The following SLIT3 variants were observed in gnomAD, a reference collection of about 807,000 sequenced individuals.
The protein encoded by SLIT3 is slit homolog 3 protein.
Under a neutral mutation model 184.0 loss-of-function variants are expected in SLIT3, and 68 were observed. That is an observed-to-expected ratio of 0.37 (90% CI 0.30 to 0.45). The LOEUF (loss-of-function observed/expected upper bound fraction) is 0.45, where lower values mean the gene tolerates loss of function less well. Ranked by LOEUF, SLIT3 falls within the 20% of genes least tolerant of loss-of-function variation. The pLI is 1.00. For synonymous variants in SLIT3, 831 were observed against 828.6 expected (o/e 1.00, Z -0.05); for missense variants, 1,707 against 2,026.0 (o/e 0.84, Z 3.02).
At chr5:168,731,264 T>C (rs1221269515) in intron 20 of SLIT3, among the ~76,000 whole-genome samples, 1 of 151,854 alleles carries the variant, frequency 6.6e-6, no homozygotes, top group Non-Finnish European at 1.5e-5. Flanking sequence ...AGTAGACCCC[T>C]AATAAGTAGA....
chr5:168,780,236 A>G (rs1755922939), intron 12 of SLIT3, among the ~76,000 whole-genome samples: 1 of 152,270 alleles, frequency 6.6e-6, no homozygotes, highest in Admixed American at 6.5e-5. Context: ...CTGAAAGCAT[A>G]TTCCAAACTC....
intron 4 of SLIT3, among the ~76,000 whole-genome samples, chr5:169,157,244 C>T (rs925729402): frequency 7.3e-5 from 11 of 150,966 alleles, no homozygotes; most frequent in Admixed American, 1.3e-4. Context: ...TAAAAGGTAC[C>T]CCTCCCCTGT....
chr5:169,014,508 C>T (rs187642932), intron 4 of SLIT3, among the ~76,000 whole-genome samples: 19 of 152,286 alleles, frequency 1.2e-4, no homozygotes, highest in East Asian at 1.2e-3. Flanking sequence ...CAGGTCAAGA[C>T]CAACGTCAAG....
At chr5:169,005,131 T>C (rs904104395) in intron 4 of SLIT3, among the ~76,000 whole-genome samples, 2 of 152,236 alleles carry the variant, frequency 1.3e-5, no homozygotes, top group Admixed American at 1.3e-4. Flanking sequence ...TGCAGATTGT[T>C]TTTAAAACAT....
At chr5:169,028,186 A>G (rs1193168768) in intron 4 of SLIT3, among the ~76,000 whole-genome samples, 2 of 152,284 alleles carry the variant, frequency 1.3e-5, no homozygotes, top group Admixed American at 6.5e-5. Flanking sequence ...CCTCTGATGC[A>G]CAGAAGCCTT....
chr5:169,163,912 C>T (rs1762554000), intron 4 of SLIT3, among the ~76,000 whole-genome samples: 1 of 152,122 alleles, frequency 6.6e-6, no homozygotes, highest in African/African-American at 2.4e-5. Context: ...TCCTTTGGGC[C>T]TGGGCAGAGG....
At chr5:169,277,967 C>A (rs973854155) in intron 1 of SLIT3, among the ~76,000 whole-genome samples, 3 of 152,184 alleles carry the variant, frequency 2.0e-5, no homozygotes, top group African/African-American at 7.2e-5. Context: ...GTGTGATGAG[C>A]CTGTTTTTTG....
chr5:168,751,841 G>A (rs984401609), intron 18 of SLIT3, among the ~76,000 whole-genome samples: 3 of 151,356 alleles, frequency 2.0e-5, no homozygotes, highest in African/African-American at 4.9e-5. Context: ...GGGTTCAAGC[G>A]ATTCTCCTGC....
At chr5:169,153,432 A>C (rs1050271629) in intron 4 of SLIT3, among the ~76,000 whole-genome samples, 1 of 152,252 alleles carries the variant, frequency 6.6e-6, no homozygotes, top group Non-Finnish European at 1.5e-5. Context: ...CTTTTAACAA[A>C]TATTACAACC....
At chr5:168,795,372 C>T (rs139581700) in intron 10 of SLIT3, 135 bp downstream of exon 10, 41 of 702,770 alleles carry the variant, frequency 5.8e-5, no homozygotes, top group African/African-American at 4.9e-4. Context: ...CTTAGGACAG[C>T]GTTCCAGGTC....
At chr5:169,281,605 T>TG (rs1312009630) in intron 1 of SLIT3, among the ~76,000 whole-genome samples, 31 of 76,826 alleles carry the variant, frequency 4.0e-4, no homozygotes, top group African/African-American at 1.8e-3. Flanking sequence ...AAATAATTGA[T>TG]GGGGGGAAAT....
intron 32 of SLIT3, among the ~76,000 whole-genome samples, chr5:168,674,225 C>A (rs138705095): frequency 6.6e-6 from 1 of 152,082 alleles, no homozygotes; most frequent in Non-Finnish European, 1.5e-5. Context: ...AATGAGGAAA[C>A]GGTAGCTCAG....
At chr5:169,297,019 G>A (rs1767523934) in intron 1 of SLIT3, among the ~76,000 whole-genome samples, 1 of 152,188 alleles carries the variant, frequency 6.6e-6, no homozygotes, top group Non-Finnish European at 1.5e-5. Flanking sequence ...TGTGGTTGGA[G>A]AAGAATTACA....
At chr5:168,877,650 A>G (rs1759783056) in intron 5 of SLIT3, among the ~76,000 whole-genome samples, 1 of 152,176 alleles carries the variant, frequency 6.6e-6, no homozygotes, top group South Asian at 2.1e-4. Context: ...GAGGGCAGAC[A>G]CGGGCGGTGC....
At chr5:168,789,394 G>T (rs2113585729) in intron 11 of SLIT3, among the ~76,000 whole-genome samples, 166 bp downstream of exon 11, 1 of 152,288 alleles carries the variant, frequency 6.6e-6, no homozygotes, top group Non-Finnish European at 1.5e-5. Context: ...TATTCCCCAA[G>T]ATCAATTTCC....
intron 4 of SLIT3, among the ~76,000 whole-genome samples, chr5:169,161,366 C>G (rs993206484): frequency 4.6e-5 from 7 of 152,340 alleles, no homozygotes; most frequent in East Asian, 1.9e-4. Context: ...CCACCCTGTC[C>G]ATCACTGCCC....
chr5:168,978,283 A>G (rs746106341), intron 4 of SLIT3, among the ~76,000 whole-genome samples: 7 of 152,238 alleles, frequency 4.6e-5, no homozygotes, highest in Non-Finnish European at 1.0e-4. Flanking sequence ...TAGTGCTATT[A>G]CACTCAGAAA....
At chr5:169,090,626 A>G (rs1759543049) in intron 4 of SLIT3, among the ~76,000 whole-genome samples, 3 of 152,180 alleles carry the variant, frequency 2.0e-5, no homozygotes, top group Admixed American at 1.3e-4. Context: ...ATGACAAAAG[A>G]TGTGACTAAG....
At chr5:169,159,585 CT>C (rs1184278564) in intron 4 of SLIT3, among the ~76,000 whole-genome samples, 1 of 151,540 alleles carries the variant, frequency 6.6e-6, no homozygotes, top group Non-Finnish European at 1.5e-5. Flanking sequence ...ACCACCCTGG[CT>C]AACATGGTGA....
Sources: gnomAD v4.1 joint callset for allele counts (sites outside exome capture counted in the v4.1 genomes callset) on GRCh38, gnomAD v4.1.1 for gene constraint, MANE v1.5 for transcripts, NCBI Gene and HGNC (gene_info 2026-07-23, HGNC 2026-07-21) for gene names.